Variants in HOXA2 observed in about 807,000 individuals in gnomAD.
HOXA2 encodes homeobox protein Hox-A2.
HOXA2 carries 4 observed loss-of-function variants against 27.2 expected under a neutral mutation model. The ratio of observed to expected loss-of-function variants is 0.15; its 90% confidence interval spans 0.07 to 0.34. HOXA2 has a LOEUF of 0.34. Among genes scored for constraint, HOXA2 ranks in the 10% least tolerant of loss-of-function variants. HOXA2 has a pLI of 1.00. For missense variants in HOXA2, 430 were observed against 473.2 expected, an observed-to-expected ratio of 0.91 and a Z score of 0.85; for synonymous variants, 200 against 202.8, an observed-to-expected ratio of 0.99 and a Z score of 0.12.
In HOXA2 at chr7:27,100,766, T is replaced by G; in HGVS notation, c.1091A>C (p.Asp364Ala). 1.2e-6 allele frequency: 2 copies of G among 1,614,242 alleles called. No individual in the cohort carries two copies. The highest frequency in any genetic ancestry group is 1.7e-6 in the Non-Finnish European group (2 of 1,180,042). The part of the protein sequence containing the change: ...ISADSLDFFT[D>A]TLTTIDLQHL... ...CTGCAAGTCGATTGTGGTGAGTGTG[T>G]CTGTAAAAAAGTCTAAGCTGTCAGC... The change falls in exon 2 of 2, where the codon GAC (aspartate) becomes GCC (alanine). Residue 364 changes from aspartate to alanine, a missense_variant. Physicochemically the swap from Asp to Ala is moderately radical, Grantham distance 126. Coordinates refer to ENST00000222718, the MANE Select transcript of HOXA2 (RefSeq NM_006735.4).
rs1783937756 is a variant in HOXA2 at position 27,102,103 on chromosome 7, G to T, written c.391+7C>A. The T allele has an allele frequency of 1.9e-6, 3 of 1,607,292 alleles. No individual in the cohort carries two copies. The highest frequency in any genetic ancestry group is 1.7e-6 in the Non-Finnish European group (2 of 1,177,748). On this transcript the variant is annotated splice_region_variant and intron_variant, in intron 1 of 1. Coordinates refer to ENST00000222718, the MANE Select transcript of HOXA2 (RefSeq NM_006735.4). The surrounding 1 kb of genome is among the most constrained non-coding windows in gnomAD (Gnocchi z 4.6). Reference sequence around the variant, plus strand: ...CCAGAGACCTGGGGCCAAGTCTTTGGACTGACCTTTGTGGCTGAGGCAAGC... The same window carrying T: ...CCAGAGACCTGGGGCCAAGTCTTTGTACTGACCTTTGTGGCTGAGGCAAGC...
chr7:27,102,098 C>A lies in HOXA2; in HGVS notation c.391+12G>T. On this transcript the variant is annotated intron_variant, in intron 1 of 1. Transcript: ENST00000222718. This position sits in a 1 kb window ranked among gnomAD's most constrained non-coding sequence, Gnocchi z 4.6. ...GGGTCCCAGAGACCTGGGGCCAAGT[C>A]TTTGGACTGACCTTTGTGGCTGAGG... The A allele has an allele frequency of 6.2e-7, 1 of 1,607,476 alleles. No individual in the cohort carries two copies. The highest frequency in any genetic ancestry group is 8.5e-7 in the Non-Finnish European group (1 of 1,177,800).
chr7:27,101,260 C>T lies in HOXA2; in HGVS notation c.597G>A (p.Lys199=), dbSNP rs184109877. ...VWFQNRRMKH[K]RQTQCKENQN... ...GGTTTTCCTTGCACTGGGTCTGCCT[C>T]TTGTGCTTCATCCTCCGGTTCTGAA... The change falls in exon 2 of 2, where the codon AAG becomes AAA. Residue 199 remains lysine (K), a synonymous_variant. Coordinates refer to ENST00000222718, the MANE Select transcript of HOXA2 (RefSeq NM_006735.4). The T allele has an allele frequency of 1.6e-5, 26 of 1,614,240 alleles. No individual in the cohort carries two copies. The Admixed American group carries it at 2.5e-4, about 16-fold the overall frequency.
At position 27,101,086 on chromosome 7, in the gene HOXA2, A is replaced by G. The variant is rs1783918137; in HGVS notation, c.771T>C (p.Ser257=). Residue 257 remains serine, a synonymous_variant, in exon 2 of 2, where the codon TCT becomes TCC. Transcript: ENST00000222718. ...TGTGTCCATTGGGAGCCTGCTGCTG[A>G]GAGAGGGCATTTTGCTGAAAAGTGT... ...EGYTFQQNAL[S]QQQAPNGHNG... The G allele has an allele frequency of 5.6e-6, 9 of 1,614,208 alleles. No homozygotes were observed. Among genetic ancestry groups the G allele is most frequent in the Non-Finnish European group, 7.6e-6 (9 of 1,180,036 alleles).
In HOXA2 at chr7:27,102,249, C is replaced by G. The variant is rs1362381895; in HGVS notation, c.252G>C (p.Pro84=). 1.4e-6 allele frequency: 2 copies of G among 1,477,624 alleles called. No individual in the cohort carries two copies. The highest frequency in any genetic ancestry group is 1.8e-6 in the Non-Finnish European group (2 of 1,115,078). The allele number at this position is 1,477,624 out of a possible 1,614,324, so 91.5% of individuals were successfully genotyped here. ...KPSPAGSRGS[P]VPAGALQPPE... ...GCGGCTGCAGGGCGCCGGCGGGCACCGGGCTGCCGCGGCTGCCCGCGGGGC... is the reference window on the plus strand; with the variant it reads ...GCGGCTGCAGGGCGCCGGCGGGCACGGGGCTGCCGCGGCTGCCCGCGGGGC... Residue 84 remains proline (P), a synonymous_variant, in exon 1 of 2, where the codon CCG becomes CCC. Transcript: ENST00000222718. This position sits in a 1 kb window ranked among gnomAD's most constrained non-coding sequence, Gnocchi z 4.6.
Position 27,102,548 on chromosome 7 carries a change from G to A in HOXA2, c.-48C>T. 1.3e-6 allele frequency: 2 copies of A among 1,583,122 alleles called. No homozygotes were observed. Among genetic ancestry groups the A allele is most frequent in the Non-Finnish European group, 1.7e-6 (2 of 1,158,256 alleles). ...CAGAGAAAAAGTTCCCTCTTTTGGA[G>A]GGGCTTTGGGGGGGCAAGGCCTAGG... is the stretch of plus-strand genomic sequence containing the variant. On this transcript the variant is annotated 5_prime_UTR_variant, in exon 1 of 2. Coordinates refer to ENST00000222718, the MANE Select transcript of HOXA2 (RefSeq NM_006735.4). The surrounding 1 kb of genome is among the most constrained non-coding windows in gnomAD (Gnocchi z 4.6).
chr7:27,101,991 C>T (rs1021756766), intron 1 of HOXA2, 119 bp downstream of exon 1: 2 of 1,425,142 alleles, frequency 1.4e-6, no homozygotes, highest in Non-Finnish European at 1.9e-6. Context: ...GGCAACCAAG[C>T]ATCTCTCCCT....
In HOXA2 at chr7:27,100,402, G is replaced by T; in HGVS notation, c.*324C>A. On this transcript the variant is annotated 3_prime_UTR_variant, in exon 2 of 2. Coordinates refer to ENST00000222718, the MANE Select transcript of HOXA2 (RefSeq NM_006735.4). ...TTCTACAAAAAATATGCATGACAAT[G>T]CATCCCAATGTAATACAAAAATAAA... 1 of 281,028 alleles carries T rather than the reference G, an allele frequency of 3.6e-6. No homozygotes were observed. Among genetic ancestry groups the T allele is most frequent in the Non-Finnish European group, 6.8e-6 (1 of 146,882 alleles). 17.4% of individuals were successfully genotyped at this position (281,028 alleles called of 1,614,324 possible).
Position 27,102,007 on chromosome 7 carries a change from C to T in HOXA2, c.391+103G>A. 1 of 1,511,518 alleles carries T rather than the reference C, an allele frequency of 6.6e-7. No homozygotes were observed. The highest frequency in any genetic ancestry group is 9.0e-7 in the Non-Finnish European group (1 of 1,115,994). The allele number at this position is 1,511,518 out of a possible 1,614,324, so 93.6% of individuals were successfully genotyped here. ...GCAACCAAGCATCTCTCCCTCTCCTCCTTCTCTCCCAGCCCACTCTCCCCT... is the reference window on the plus strand; with the variant it reads ...GCAACCAAGCATCTCTCCCTCTCCTTCTTCTCTCCCAGCCCACTCTCCCCT... On this transcript the variant is annotated intron_variant, in intron 1 of 1. Transcript: ENST00000222718. This position sits in a 1 kb window ranked among gnomAD's most constrained non-coding sequence, Gnocchi z 4.6.
chr7:27,100,758 T>A lies in HOXA2; in HGVS notation c.1099A>T (p.Thr367Ser), dbSNP rs747258766. ...DSLDFFTDTL[T>S]TIDLQHLNY ...TTCAGATGCTGCAAGTCGATTGTGG[T>A]GAGTGTGTCTGTAAAAAAGTCTAAG... Residue 367 changes from threonine to serine, a missense_variant, in exon 2 of 2, where the codon ACC becomes TCC. Physicochemically the swap from Thr to Ser is moderately conservative, Grantham distance 58. This residue lies in a region of HOXA2 where 236 missense variants were observed against 208.5 expected (regional missense o/e 1.13). Transcript: ENST00000222718. The A allele has an allele frequency of 1.2e-6, 2 of 1,614,234 alleles. No homozygotes were observed. Among genetic ancestry groups the A allele is most frequent in the South Asian group, 1.1e-5 (1 of 91,086 alleles).
At position 27,101,023 on chromosome 7, in the gene HOXA2, G is replaced by C. The variant is rs1251272195; in HGVS notation, c.834C>G (p.Thr278=). The C allele has an allele frequency of 2.5e-6, 4 of 1,614,074 alleles. No individual in the cohort carries two copies. In the African/African-American group the frequency reaches 5.3e-5, roughly 22 times the overall value. The change falls in exon 2 of 2, where the codon ACC becomes ACG. Residue 278 remains threonine (T), a synonymous_variant. Coordinates refer to ENST00000222718, the MANE Select transcript of HOXA2 (RefSeq NM_006735.4). ...DSQSFPVSPL[T]SNEKNLKHFQ... ...AATGTTTCAGATTTTTCTCATTGCT[G>C]GTTAAAGGCGAGACTGGGAAACTTT...
In HOXA2 at chr7:27,100,494, T is replaced by TAAAG. The variant is rs1338705129; in HGVS notation, c.*228_*231dup. The TAAAG allele has an allele frequency of 2.9e-5, 16 of 557,354 alleles. No homozygotes were observed. In the African/African-American group the frequency reaches 3.0e-4, roughly 10 times the overall value. 34.5% of individuals were successfully genotyped at this position (557,354 alleles called of 1,614,324 possible). On this transcript the variant is annotated 3_prime_UTR_variant, in exon 2 of 2. Transcript: ENST00000222718. ...CCTCATACTGCTCTCAGGAATCACA[T>TAAAG]AAAGGGTTGTTGAGTTAGGTTTAAA...
chr7:27,100,932 G>A lies in HOXA2; in HGVS notation c.925C>T (p.Leu309=). 6.2e-7 allele frequency: 1 copy of A among 1,614,242 alleles called. No homozygotes were observed. The highest frequency in any genetic ancestry group is 8.5e-7 in the Non-Finnish European group (1 of 1,180,044). ...STMGQNCGAG[L]NNDSPEALEV... ...AGGGCCTCAGGACTGTCATTGTTTA[G>A]GCCAGCTCCACAGTTCTGGCCCATT... The change falls in exon 2 of 2, where the codon CTA becomes TTA. Residue 309 remains leucine, a synonymous_variant. Transcript: ENST00000222718.
At position 27,100,579 on chromosome 7, in the gene HOXA2, A is replaced by G. The variant is rs1014933956; in HGVS notation, c.*147T>C. On this transcript the variant is annotated 3_prime_UTR_variant, in exon 2 of 2. Transcript: ENST00000222718. The stretch of plus-strand genomic sequence containing the variant: ...GCTCTGTTTGAAACTGGGTCAGGGA[A>G]TCACTAAACAGAAAATCCTCAACAC... The G allele has an allele frequency of 6.1e-6, 5 of 816,994 alleles. No homozygotes were observed. The highest frequency in any genetic ancestry group is 9.9e-6 in the Non-Finnish European group (5 of 506,138). 50.6% of individuals were successfully genotyped at this position (816,994 alleles called of 1,614,324 possible). A position where few individuals can be genotyped will look rare whatever the true frequency, so the allele number is the denominator to read the frequency against.
chr7:27,101,515 G>A, intron 1 of HOXA2, 50 bp from the exon 2 acceptor site: 6 of 1,588,574 alleles, frequency 3.8e-6, no homozygotes, highest in Non-Finnish European at 5.1e-6. Context: ...GGAGGTGGAG[G>A]GGTCCGAGCG....
chr7:27,102,607 A>G lies in HOXA2; in HGVS notation c.-107T>C. 9.3e-7 allele frequency: 1 copy of G among 1,080,100 alleles called. No homozygotes were observed. Among genetic ancestry groups the G allele is most frequent in the Non-Finnish European group, 1.4e-6 (1 of 721,900 alleles). 66.9% of individuals were successfully genotyped at this position (1,080,100 alleles called of 1,614,324 possible). A position where few individuals can be genotyped will look rare whatever the true frequency, so the allele number is the denominator to read the frequency against. ...GAGCGCAGAGGAAAAAAAATCTATC[A>G]TAGAATATCGCTGCTAGGGTGTTTT... is the stretch of plus-strand genomic sequence containing the variant. On this transcript the variant is annotated 5_prime_UTR_variant, in exon 1 of 2. The change abolishes an upstream ATG in the 5' untranslated region. Coordinates refer to ENST00000222718, the MANE Select transcript of HOXA2 (RefSeq NM_006735.4). This position sits in a 1 kb window ranked among gnomAD's most constrained non-coding sequence, Gnocchi z 4.6.
chr7:27,100,557 CT>C lies in HOXA2; in HGVS notation c.*168del, dbSNP rs1387977844. The stretch of plus-strand genomic sequence containing the variant: ...CCAAAATAATCTGTAAAAGATGGCT[CT>C]GTTTGAAACTGGGTCAGGGAATCAC... On this transcript the variant is annotated 3_prime_UTR_variant, in exon 2 of 2. Transcript: ENST00000222718. 1.4e-6 allele frequency: 1 copy of C among 698,122 alleles called. No homozygotes were observed. Among genetic ancestry groups the C allele is most frequent in the Non-Finnish European group, 2.4e-6 (1 of 414,152 alleles). 43.2% of individuals were successfully genotyped at this position (698,122 alleles called of 1,614,324 possible).
intron 1 of HOXA2, chr7:27,101,789 C>T (rs755550406): frequency 5.8e-6 from 4 of 686,738 alleles, no homozygotes; most frequent in East Asian, 5.6e-5. Context: ...CTCTTCATTA[C>T]TGTCAAAAAG....
chr7:27,102,177 T>G lies in HOXA2; in HGVS notation c.324A>C (p.Ala108=). The change falls in exon 1 of 2, where the codon GCA becomes GCC. Residue 108 remains alanine, a synonymous_variant. Coordinates refer to ENST00000222718, the MANE Select transcript of HOXA2 (RefSeq NM_006735.4). This position sits in a 1 kb window ranked among gnomAD's most constrained non-coding sequence, Gnocchi z 4.6. ...CGGCGGCGGCGGCGGCCGGCAGAAGTGCGGTTTTCTTGGCCGCCTTCTTCT... is the reference window on the plus strand; with the variant it reads ...CGGCGGCGGCGGCGGCCGGCAGAAGGGCGGTTTTCTTGGCCGCCTTCTTCT... The part of the protein sequence containing the change: ...MKEKKAAKKT[A]LLPAAAAAAT... The G allele has an allele frequency of 6.4e-7, 1 of 1,562,860 alleles. No homozygotes were observed. The highest frequency in any genetic ancestry group is 1.4e-5 in the African/African-American group (1 of 73,996).
Sources: gnomAD v4.1 joint callset for allele counts on GRCh38, gnomAD v4.1.1 for gene constraint, gnomAD v4.1.1 regional missense constraint, Gnocchi (gnomAD v3.1) non-coding constraint, MANE v1.5 for transcripts, NCBI Gene and HGNC (gene_info 2026-07-23, HGNC 2026-07-21) for gene names.